WBP2NL: variants seen among roughly 807,000 people sequenced by gnomAD.
The protein encoded by WBP2NL is WBP2 N-terminal like.
Under a neutral mutation model 23.3 loss-of-function variants are expected in WBP2NL, and 27 were observed. The ratio of observed to expected loss-of-function variants is 1.16; its 90% CI spans 0.85 to 1.60. The LOEUF (loss-of-function observed/expected upper bound fraction) is 1.60, where lower values mean the gene tolerates loss of function less well. WBP2NL is among the 40% of genes most tolerant of loss of function. The pLI, the probability that WBP2NL is intolerant of heterozygous loss-of-function variation, is 0.00. For synonymous variants in WBP2NL, 151 were observed against 145.9 expected, an observed-to-expected ratio of 1.03 and a Z score of -0.25; for missense variants, 370 against 389.5, an observed-to-expected ratio of 0.95 and a Z score of 0.42.
At chr22:42,005,101 C>T (rs538710440) in intron 1 of WBP2NL, among the ~76,000 whole-genome samples, 6 of 151,986 alleles carry the variant, frequency 3.9e-5, no homozygotes, top group East Asian at 1.9e-4. Flanking sequence ...CCTGTAATCC[C>T]GGCTACTCAG....
intron 1 of WBP2NL, among the ~76,000 whole-genome samples, chr22:42,008,841 C>T (rs1229171537): frequency 7.9e-5 from 12 of 152,086 alleles, no homozygotes; most frequent in South Asian, 6.2e-4. Context: ...TGCAGTGGCA[C>T]GATCTTGGCT....
intron 5 of WBP2NL, among the ~76,000 whole-genome samples, chr22:42,026,237 A>T (rs1420578238): frequency 6.6e-6 from 1 of 150,930 alleles, no homozygotes; most frequent in Non-Finnish European, 1.5e-5. Context: ...GCGCCACTGC[A>T]CTCCAGCCTG....
chr22:42,026,980 T>C lies in WBP2NL; in HGVS notation c.729T>C (p.Leu243=), dbSNP rs571747515. The change falls in exon 6 of 6, where the codon CTT becomes CTC. Residue 243 remains leucine (L), a synonymous_variant. Coordinates refer to ENST00000328823, the MANE Select transcript of WBP2NL (RefSeq NM_152613.3). ...APPLGYGAPP[L]GYGTPPLGYG... ...CTCTAGGATATGGAGCCCCACCTCT[T>C]GGATATGGAACCCCACCTCTCGGAT... 2.1e-5 allele frequency: 33 copies of C among 1,604,766 alleles called. No homozygotes were observed. The Admixed American group carries it at 2.2e-4, about 11-fold the overall frequency.
rs547444865 is a variant in WBP2NL at position 42,014,518 on chromosome 22, C to T, written c.63-4793C>T. On this transcript the variant is annotated intron_variant, in intron 1 of 5. Transcript: ENST00000328823. Reference sequence around the variant, plus strand: ...CTAGGATTACAGGCATGAGCCACCGCGCCTGGCCCCAAATGTTCTTTATTC... The same window carrying T: ...CTAGGATTACAGGCATGAGCCACCGTGCCTGGCCCCAAATGTTCTTTATTC... Among the ~76,000 whole-genome samples the T allele has an allele frequency of 3.9e-5, 6 of 152,280 alleles. No homozygotes were observed. In the East Asian group the frequency reaches 9.6e-4, roughly 24 times the overall value.
At chr22:42,019,924 CTTCCCTTGGTGTTTGTGGCAGTCTTTCTG>C (rs1252240659) in intron 3 of WBP2NL, 51 bp from the exon 4 acceptor site, 16 of 1,590,766 alleles carry the variant, frequency 1.0e-5, no homozygotes, top group Non-Finnish European at 1.4e-5. Context: ...TCAGGTAGTG[CTTCCCTTGGTGTTTGTGGCAGTCTTTCTG>C]TTGTCAGCTA....
chr22:42,044,836 T>C (rs1176608204), intron 8 of WBP2NL, among the ~76,000 whole-genome samples: 1 of 152,022 alleles, frequency 6.6e-6, no homozygotes, highest in Non-Finnish European at 1.5e-5. Context: ...TTTGTAGAGA[T>C]GGATGTCACT....
chr22:41,998,818 G>T lies in WBP2NL; in HGVS notation c.-1G>T. On this transcript the variant is annotated 5_prime_UTR_variant, in exon 1 of 6. Transcript: ENST00000328823. ...CGGGGCGGCAGGAGGCCCGAAGCAAGATGGCGGTGAATCAGAGCCACACCG... is the reference window on the plus strand; with the variant it reads ...CGGGGCGGCAGGAGGCCCGAAGCAATATGGCGGTGAATCAGAGCCACACCG... 2 of 1,610,280 alleles carry T rather than the reference G, an allele frequency of 1.2e-6. No homozygotes were observed. The highest frequency in any genetic ancestry group is 1.7e-6 in the Non-Finnish European group (2 of 1,177,616).
In WBP2NL at chr22:42,018,081, G is replaced by A. The variant is rs544509991; in HGVS notation, c.63-1230G>A. 4.4e-4 allele frequency among the ~76,000 whole-genome samples: 66 copies of A among 151,352 alleles called. 1 individual carries two copies. Among genetic ancestry groups the A allele is most frequent in the Admixed American group, 2.1e-3 (32 of 15,150 alleles). On this transcript the variant is annotated intron_variant, in intron 1 of 5. Coordinates refer to ENST00000328823, the MANE Select transcript of WBP2NL (RefSeq NM_152613.3). Reference sequence around the variant, plus strand: ...GGAGAATCGTTTGAACCCGGGAGGCGGAGGTTGCAGTGAGCCGAGATCGAG... The same window carrying A: ...GGAGAATCGTTTGAACCCGGGAGGCAGAGGTTGCAGTGAGCCGAGATCGAG...
chr22:42,010,780 C>T (rs527328875), intron 1 of WBP2NL, among the ~76,000 whole-genome samples: 7 of 152,278 alleles, frequency 4.6e-5, no homozygotes, highest in South Asian at 4.1e-4. Context: ...CCTCGTGATC[C>T]GCCCGCCTTG....
In WBP2NL at chr22:42,013,386, C is replaced by CA. The variant is rs879371078; in HGVS notation, c.63-5911dup. Among the ~76,000 whole-genome samples, 311 of 84,324 alleles carry CA rather than the reference C, an allele frequency of 3.7e-3. 1 individual carries two copies. Among genetic ancestry groups the CA allele is most frequent in the East Asian group, 0.018 (59 of 3,262 alleles). The allele number at this position is 84,324 out of a possible 152,430, so 55.3% of individuals were successfully genotyped here. On this transcript the variant is annotated intron_variant, in intron 1 of 5. Coordinates refer to ENST00000328823, the MANE Select transcript of WBP2NL (RefSeq NM_152613.3). ...GGGCAACAAAAGTGAAACTCCATCTCAAAAAAAAAAAAAAGAAAAAGAAAA... is the reference window on the plus strand; with the variant it reads ...GGGCAACAAAAGTGAAACTCCATCTCAAAAAAAAAAAAAAAGAAAAAGAAAA...
At chr22:42,029,294 G>GAA (rs953340569), downstream of WBP2NL, among the ~76,000 whole-genome samples, 57 of 81,926 alleles carry the variant, frequency 7.0e-4, no homozygotes, top group Non-Finnish European at 1.0e-3. Context: ...CTGTGTCTAG[G>GAA]AAAAAAAAAA....
In WBP2NL at chr22:42,019,379, G is replaced by A. The variant is rs1423107669; in HGVS notation, c.131G>A (p.Ser44Asn). 6.2e-7 allele frequency: 1 copy of A among 1,614,188 alleles called. No individual in the cohort carries two copies. The highest frequency in any genetic ancestry group is 2.2e-5 in the East Asian group (1 of 44,886). Residue 44 changes from serine to asparagine, a missense_variant, in exon 2 of 6, where the codon AGT (serine) becomes AAT (asparagine). Physicochemically the swap from Ser to Asn is conservative, Grantham distance 46 (BLOSUM62 1). Coordinates refer to ENST00000328823, the MANE Select transcript of WBP2NL (RefSeq NM_152613.3). ...PQRSEGSNVF[S>N]GRKTGTLFLT... ...CGATCAGAAGGCTCAAATGTCTTTA[G>A]TGGTAGAAAGACAGGAACATTGTTT...
chr22:42,001,994 G>C, intron 1 of WBP2NL: 1 of 939,928 alleles, frequency 1.1e-6, no homozygotes, highest in Non-Finnish European at 1.5e-6. Flanking sequence ...GCTGCTGTGG[G>C]ATGGGACTGG....
At chr22:42,039,896 T>C (rs1271067652) in intron 8 of WBP2NL, among the ~76,000 whole-genome samples, 2 of 151,576 alleles carry the variant, frequency 1.3e-5, no homozygotes, top group Non-Finnish European at 2.9e-5. Flanking sequence ...GTTTCTTGAT[T>C]TGTACAGTTA....
At chr22:42,001,828 C>T in intron 1 of WBP2NL, 3 of 1,299,540 alleles carry the variant, frequency 2.3e-6, no homozygotes, top group South Asian at 2.8e-5. Context: ...TGCTTATCTG[C>T]AGTGATCTGC....
chr22:42,017,400 G>A (rs1923407423), intron 1 of WBP2NL, among the ~76,000 whole-genome samples: 1 of 152,110 alleles, frequency 6.6e-6, no homozygotes, highest in African/African-American at 2.4e-5. Context: ...GTGAGCCACT[G>A]TGCCCAGCCA....
chr22:42,008,933 C>G (rs1922551677), intron 1 of WBP2NL, among the ~76,000 whole-genome samples: 1 of 152,206 alleles, frequency 6.6e-6, no homozygotes, highest in African/African-American at 2.4e-5. Context: ...TGTCCACCAC[C>G]ACGCCCGGCT....
chr22:41,999,425 A>G (rs969366800), intron 1 of WBP2NL, among the ~76,000 whole-genome samples: 1 of 152,126 alleles, frequency 6.6e-6, no homozygotes, highest in African/African-American at 2.4e-5. Context: ...GGACCTGGAA[A>G]CTTTCTAAAG....
In WBP2NL at chr22:42,027,201, T is replaced by C; in HGVS notation, c.*20T>C. On this transcript the variant is annotated 3_prime_UTR_variant, in exon 6 of 6. Coordinates refer to ENST00000328823, the MANE Select transcript of WBP2NL (RefSeq NM_152613.3). ...TCTTAACCTTCTAAGATGTAAACCTTGAAGACTCACCAAGCAAAGAGGTAC... is the reference window on the plus strand; with the variant it reads ...TCTTAACCTTCTAAGATGTAAACCTCGAAGACTCACCAAGCAAAGAGGTAC... The C allele has an allele frequency of 6.3e-7, 1 of 1,578,346 alleles. No homozygotes were observed. Among genetic ancestry groups the C allele is most frequent in the Non-Finnish European group, 8.6e-7 (1 of 1,163,482 alleles).
Sources: gnomAD v4.1 joint callset for allele counts (sites outside exome capture counted in the v4.1 genomes callset) on GRCh38, gnomAD v4.1.1 for gene constraint, MANE v1.5 for transcripts, NCBI Gene and HGNC (gene_info 2026-07-23, HGNC 2026-07-21) for gene names.